The following GRB10 variants were observed in gnomAD, a reference collection of about 807,000 sequenced individuals.
The protein encoded by GRB10 is growth factor receptor-bound protein 10.
A neutral mutation model predicts 80.9 loss-of-function variants in GRB10; 20 were observed. The observed-to-expected ratio is 0.25, with a 90% CI of 0.17 to 0.36. GRB10 has a LOEUF of 0.36. Among genes scored for constraint, GRB10 ranks in the 10% least tolerant of loss-of-function variants. The pLI, the probability that GRB10 is intolerant of heterozygous loss-of-function variation, is 1.00. For missense variants in GRB10, 548 were observed against 747.7 expected, an observed-to-expected ratio of 0.73 and a Z score of 3.12; for synonymous variants, 291 against 291.5, an observed-to-expected ratio of 1.00 and a Z score of 0.02.
At chr7:50,681,006 A>G (rs566104792) in intron 5 of GRB10, among the ~76,000 whole-genome samples, 224 of 152,324 alleles carry the variant, frequency 1.5e-3, no homozygotes, top group Non-Finnish European at 2.6e-3. Flanking sequence ...CAAAATATGG[A>G]GACTACTGAT....
intron 7 of GRB10, among the ~76,000 whole-genome samples, chr7:50,661,546 T>C (rs962005046): frequency 4.6e-5 from 7 of 152,218 alleles, no homozygotes; most frequent in Non-Finnish European, 5.9e-5. Context: ...AAGTTCCTAA[T>C]AGCATTACTA....
chr7:50,734,692 A>T lies in GRB10; in HGVS notation c.-46-2324T>A, dbSNP rs568585089. Among the ~76,000 whole-genome samples, 5 of 152,350 alleles carry T rather than the reference A, an allele frequency of 3.3e-5. 1 individual carries two copies. The South Asian group carries it at 1.0e-3, about 32-fold the overall frequency. The stretch of plus-strand genomic sequence containing the variant: ...TTACCTAAATATCACCTTTGAAAGT[A>T]TTTGCCAAAGGAGATGGCTTCTCCG... On this transcript the variant is annotated intron_variant, in intron 3 of 18. Transcript: ENST00000401949.
At chr7:50,757,744 T>C (rs1345743781) in intron 2 of GRB10, among the ~76,000 whole-genome samples, 3 of 152,132 alleles carry the variant, frequency 2.0e-5, no homozygotes, top group Non-Finnish European at 4.4e-5. Flanking sequence ...CACTGGGAAA[T>C]GGACTTACGG....
Position 50,674,443 on chromosome 7 carries a change from C to G in GRB10, c.355G>C (p.Ala119Pro). 1.2e-6 allele frequency: 2 copies of G among 1,604,322 alleles called. No individual in the cohort carries two copies. The highest frequency in any genetic ancestry group is 1.7e-6 in the Non-Finnish European group (2 of 1,179,930). The change falls in exon 6 of 19, where the codon GCT (alanine) becomes CCT (proline). Residue 119 changes from alanine (A) to proline (P), a missense_variant. By Grantham distance (27) the Ala-to-Pro change is conservative (BLOSUM62 -1). This residue lies in a region of GRB10 where 245 missense variants were observed against 229.3 expected (regional missense o/e 1.07). Transcript: ENST00000401949. Reference protein sequence around the residue: ...VQRSQPVHILAVRRLQEEDQQ... With the variant: ...VQRSQPVHILPVRRLQEEDQQ... ...CATAAGGCCTGGACCTACCTGACAG[C>G]GAGGATGTGCACAGGCTGGGAGCGC... is the stretch of plus-strand genomic sequence containing the variant.
intron 4 of GRB10, among the ~76,000 whole-genome samples, chr7:50,731,067 G>A (rs71540259): frequency 0.079 from 11,966 of 152,104 alleles, 591 homozygotes; most frequent in East Asian, 0.17. Context: ...AATGGGGGGA[G>A]GCAACCACAG....
intron 18 of GRB10, 33 bp downstream of exon 18, chr7:50,595,404 C>T: frequency 8.7e-7 from 1 of 1,154,592 alleles, no homozygotes; most frequent in Non-Finnish European, 1.3e-6. Context: ...GAAAACAAAC[C>T]ACAAGGACTG....
chr7:50,749,127 T>G (rs1463638908), intron 3 of GRB10, among the ~76,000 whole-genome samples: 3 of 76,988 alleles, frequency 3.9e-5, no homozygotes, highest in African/African-American at 9.0e-5. Flanking sequence ...GTTTTGTTTT[T>G]TTGTTTGTTT....
intron 4 of GRB10, among the ~76,000 whole-genome samples, chr7:50,719,420 AG>A (rs1308164011): frequency 1.3e-5 from 2 of 152,060 alleles, no homozygotes; most frequent in Non-Finnish European, 2.9e-5. Context: ...AAACTAACAC[AG>A]GAACAGAAAA....
At chr7:50,698,221 G>A (rs750188888) in intron 5 of GRB10, among the ~76,000 whole-genome samples, 2 of 151,924 alleles carry the variant, frequency 1.3e-5, no homozygotes, top group Admixed American at 6.6e-5. Context: ...ATGCATTTTT[G>A]TATGTACATG....
In GRB10 at chr7:50,671,370, G is replaced by A. The variant is rs76016599; in HGVS notation, c.363-1507C>T. 7.6e-3 allele frequency among the ~76,000 whole-genome samples: 1,161 copies of A among 152,240 alleles called. 13 individuals are homozygous for A. The highest frequency in any genetic ancestry group is 0.026 in the African/African-American group (1,076 of 41,526). On this transcript the variant is annotated intron_variant, in intron 6 of 18. Coordinates refer to ENST00000401949, the MANE Select transcript of GRB10 (RefSeq NM_001350814.2). ...CTTTCCCAGGAGATTTGCCACTACA[G>A]AAACACATTTTGTGACTGTATTACT... is the stretch of plus-strand genomic sequence containing the variant.
At chr7:50,664,667 A>T (rs1043285155) in intron 7 of GRB10, among the ~76,000 whole-genome samples, 2 of 152,144 alleles carry the variant, frequency 1.3e-5, no homozygotes, top group African/African-American at 4.8e-5. Flanking sequence ...CACTGCAGCC[A>T]GTGTCTGCCA....
intron 3 of GRB10, among the ~76,000 whole-genome samples, chr7:50,742,537 C>T (rs1161121905): frequency 6.6e-6 from 1 of 152,192 alleles, no homozygotes. Flanking sequence ...GGAGCCCAGA[C>T]CCTGACCTAC....
intron 7 of GRB10, among the ~76,000 whole-genome samples, chr7:50,656,848 T>C (rs117883560): frequency 0.032 from 4,838 of 152,268 alleles, 115 homozygotes; most frequent in South Asian, 0.059. Flanking sequence ...CAGACAGATA[T>C]AGCAACACAC....
chr7:50,710,486 T>G (rs191733173), intron 4 of GRB10, among the ~76,000 whole-genome samples: 12 of 152,280 alleles, frequency 7.9e-5, no homozygotes, highest in African/African-American at 2.4e-4. Context: ...CACTACAAGA[T>G]GCACAAGAGG....
At chr7:50,683,322 ATTT>A in intron 5 of GRB10, among the ~76,000 whole-genome samples, 1 of 152,344 alleles carries the variant, frequency 6.6e-6, no homozygotes, top group Middle Eastern at 3.4e-3. Flanking sequence ...ATGGGGTGTT[ATTT>A]ATTTGATGGG....
At chr7:50,663,593 G>T (rs2059496019) in intron 7 of GRB10, among the ~76,000 whole-genome samples, 1 of 152,196 alleles carries the variant, frequency 6.6e-6, no homozygotes, top group South Asian at 2.1e-4. Context: ...CTCAGGAAAG[G>T]TCATACTGGA....
At chr7:50,756,089 C>T (rs1342037725) in intron 2 of GRB10, 33 bp from the exon 3 acceptor site, 4 of 398,446 alleles carry the variant, frequency 1.0e-5, no homozygotes, top group Non-Finnish European at 1.8e-5. Flanking sequence ...ACTGAACTTC[C>T]GTAGAATTTA....
At chr7:50,611,564 G>C (rs575069159) in intron 13 of GRB10, among the ~76,000 whole-genome samples, 77 of 152,294 alleles carry the variant, frequency 5.1e-4, no homozygotes, top group African/African-American at 1.7e-3. Flanking sequence ...TGGAACTTTT[G>C]GTTTGGGCCC....
intron 13 of GRB10, chr7:50,606,629 C>T: frequency 3.4e-6 from 2 of 582,154 alleles, no homozygotes; most frequent in African/African-American, 1.9e-5. Context: ...TAGCTTTTGA[C>T]TCCCCCAAAA....
Sources: allele counts gnomAD v4.1 joint callset (sites outside exome capture counted in the v4.1 genomes callset), GRCh38; gene constraint gnomAD v4.1.1; regional missense constraint gnomAD v4.1.1; transcripts MANE v1.5; gene names NCBI Gene and HGNC (gene_info 2026-07-23, HGNC 2026-07-21).